ARHGAP32: variants seen among roughly 807,000 people sequenced by gnomAD.
The protein encoded by ARHGAP32 is rho GTPase-activating protein 32.
ARHGAP32 carries 51 observed loss-of-function variants against 186.5 expected under a neutral mutation model. The observed-to-expected ratio is 0.27, with a 90% CI of 0.22 to 0.35. The LOEUF (loss-of-function observed/expected upper bound fraction) is 0.35. Among genes scored for constraint, ARHGAP32 ranks in the 10% least tolerant of loss-of-function variants. The pLI is 1.00. For synonymous variants in ARHGAP32, 950 were observed against 964.3 expected (o/e 0.99, Z 0.27); for missense variants, 2,186 against 2,623.5 (o/e 0.83, Z 3.64).
chr11:129,097,888 T>C (rs972221888), intron 5 of ARHGAP32, among the ~76,000 whole-genome samples: 2 of 152,008 alleles, frequency 1.3e-5, no homozygotes, highest in Non-Finnish European at 2.9e-5. Context: ...ATGTTCAAAA[T>C]ACAAAGACAA....
chr11:129,062,144 C>G (rs1392996072), intron 10 of ARHGAP32, 136 bp downstream of exon 10: 1 of 683,994 alleles, frequency 1.5e-6, no homozygotes, highest in Non-Finnish European at 2.6e-6. Flanking sequence ...ATTATCATTA[C>G]TATCTGCATT....
At position 128,970,489 on chromosome 11, in the gene ARHGAP32, AAAG is replaced by A. The variant is rs1363477113; in HGVS notation, c.4721_4723del (p.Ser1574del). 3.1e-6 allele frequency: 5 copies of A among 1,614,174 alleles called. No individual in the cohort carries two copies. In the Admixed American group the frequency reaches 8.3e-5, roughly 27 times the overall value. On this transcript the variant is annotated inframe_deletion, in exon 23 of 23. Transcript: ENST00000682385. The surrounding 1 kb of genome is among the most constrained non-coding windows in gnomAD (Gnocchi z 5.8). ...ACAGGTATTCCTGACAGAGGAGCTC[AAAG>A]AAGACACATACTCGACCCGGCTGCA... is the stretch of plus-strand genomic sequence containing the variant.
chr11:129,232,866 G>A (rs140632684), intron 1 of ARHGAP32, among the ~76,000 whole-genome samples: 32 of 152,116 alleles, frequency 2.1e-4, no homozygotes, highest in East Asian at 9.6e-4. Context: ...TTCTCTTTCC[G>A]CTACCAGCCT....
intron 10 of ARHGAP32, among the ~76,000 whole-genome samples, chr11:129,046,722 G>A (rs1472907367): frequency 6.6e-6 from 1 of 152,162 alleles, no homozygotes; most frequent in East Asian, 1.9e-4. Flanking sequence ...TTTGGAAACA[G>A]TAGAGTTAAC....
Position 128,978,832 on chromosome 11 carries a change from G to T in ARHGAP32, c.2060C>A (p.Ser687Tyr). 5.0e-6 allele frequency: 8 copies of T among 1,612,930 alleles called. No homozygotes were observed. In the African/African-American group the frequency reaches 8.0e-5, roughly 16 times the overall value. Residue 687 changes from serine to tyrosine, a missense_variant, in exon 19 of 23, where the codon TCT becomes TAT. By Grantham distance (144) the Ser-to-Tyr change is moderately radical (BLOSUM62 -2). This residue lies in a region of ARHGAP32 where 263 missense variants were observed against 323.5 expected (regional missense o/e 0.81). Transcript: ENST00000682385. ...CTCATTCCGCTGCAGCTTTCGTTTAGAAACAGATGATGATTTCCCCAAGTT... is the reference window on the plus strand; with the variant it reads ...CTCATTCCGCTGCAGCTTTCGTTTATAAACAGATGATGATTTCCCCAAGTT... ...FFNLGKSSSV[S>Y]KRKLQRNESE...
At chr11:129,182,955 AT>A (rs1475719848) in intron 1 of ARHGAP32, among the ~76,000 whole-genome samples, 1 of 152,016 alleles carries the variant, frequency 6.6e-6, no homozygotes, top group African/African-American at 2.4e-5. Flanking sequence ...GCCTTAAAAA[AT>A]TTTTTATGTT....
At chr11:129,106,910 T>A (rs1279324099) in intron 5 of ARHGAP32, among the ~76,000 whole-genome samples, 3 of 152,096 alleles carry the variant, frequency 2.0e-5, no homozygotes, top group Non-Finnish European at 2.9e-5. Context: ...ATGGGGCAAA[T>A]ATTATTTTTT....
At chr11:129,049,994 T>C (rs1939974450) in intron 10 of ARHGAP32, among the ~76,000 whole-genome samples, 1 of 152,230 alleles carries the variant, frequency 6.6e-6, no homozygotes, top group Non-Finnish European at 1.5e-5. Flanking sequence ...TTCTTATTTA[T>C]ATCAACTAGC....
At chr11:129,198,862 G>A (rs1196940497) in intron 1 of ARHGAP32, among the ~76,000 whole-genome samples, 1 of 152,192 alleles carries the variant, frequency 6.6e-6, no homozygotes, top group Non-Finnish European at 1.5e-5. Context: ...AAAAATGTGG[G>A]AAAGTTTGGA....
rs542169831 is a variant in ARHGAP32, at chr11:129,258,648, C to A, written c.-5+20498G>T. 2.0e-5 allele frequency among the ~76,000 whole-genome samples: 3 copies of A among 152,206 alleles called. No individual in the cohort carries two copies. In the East Asian group the frequency reaches 5.8e-4, roughly 29 times the overall value. On this transcript the variant is annotated intron_variant, in intron 1 of 6. Coordinates refer to the ARHGAP32 transcript ENST00000525234. The stretch of plus-strand genomic sequence containing the variant: ...GTCTTAGGCATTTAAGACAGATGCA[C>A]AAAAAGAGCTTAAAGAACTTCTGCC...
intron 1 of ARHGAP32, among the ~76,000 whole-genome samples, chr11:129,214,738 C>T (rs527997514): frequency 1.3e-4 from 20 of 152,200 alleles, no homozygotes; most frequent in Non-Finnish European, 2.6e-4. Flanking sequence ...CATTTGCTTA[C>T]GCGTGACTTC....
intron 1 of ARHGAP32, among the ~76,000 whole-genome samples, chr11:129,173,298 T>A (rs1943812813): frequency 2.0e-5 from 3 of 148,902 alleles, no homozygotes; most frequent in Non-Finnish European, 4.4e-5. Flanking sequence ...TAACAAGTTC[T>A]GAAATTGAGG....
intron 1 of ARHGAP32, among the ~76,000 whole-genome samples, chr11:129,200,555 C>T (rs192496168): frequency 3.5e-4 from 53 of 152,250 alleles, no homozygotes; most frequent in African/African-American, 1.2e-3. Context: ...GATTGTGAGG[C>T]CTCCCGAGCC....
intron 12 of ARHGAP32, among the ~76,000 whole-genome samples, chr11:128,989,516 TCACACACACACA>T (rs56090706): frequency 6.8e-4 from 95 of 139,034 alleles, no homozygotes; most frequent in East Asian, 1.3e-3. Context: ...GTTTTTTATT[TCACACACACACA>T]CACACACACA....
chr11:129,226,391 G>C (rs1425499046), intron 1 of ARHGAP32, among the ~76,000 whole-genome samples: 5 of 152,030 alleles, frequency 3.3e-5, no homozygotes, highest in Non-Finnish European at 7.4e-5. Flanking sequence ...CACATACAAG[G>C]GATCCTCCAT....
chr11:128,991,869 AT>A (rs201705654), intron 12 of ARHGAP32, among the ~76,000 whole-genome samples: 1 of 151,498 alleles, frequency 6.6e-6, no homozygotes. Context: ...TTGATCTTTG[AT>A]TTTTTTTTCT....
Position 128,980,663 on chromosome 11 carries a change from T to C in ARHGAP32, c.1866A>G (p.Gln622=), listed in dbSNP as rs758495188. The change falls in exon 18 of 23, where the codon CAA becomes CAG. Residue 622 remains glutamine (Q), a synonymous_variant. Coordinates refer to ENST00000682385, the MANE Select transcript of ARHGAP32 (RefSeq NM_001378024.1). ...LTLEEAQART[Q]AQVNSPIVTE... ...TCACAATTGGAGAATTGACCTGAGC[T>C]TGTGTTCGTGCCTGGGCCTCTTCCA... is the stretch of plus-strand genomic sequence containing the variant. The C allele has an allele frequency of 6.2e-7, 1 of 1,614,042 alleles. No individual in the cohort carries two copies. The highest frequency in any genetic ancestry group is 8.5e-7 in the Non-Finnish European group (1 of 1,179,928).
intron 1 of ARHGAP32, among the ~76,000 whole-genome samples, chr11:129,218,059 A>T (rs1389969719): frequency 6.6e-6 from 1 of 152,208 alleles, no homozygotes; most frequent in Admixed American, 6.5e-5. Flanking sequence ...CACTGTGCAG[A>T]CTCAGGTAAA....
intron 1 of ARHGAP32, among the ~76,000 whole-genome samples, chr11:129,211,842 A>G (rs2135593193): frequency 6.6e-6 from 1 of 152,342 alleles, no homozygotes; most frequent in African/African-American, 2.4e-5. Context: ...AGTGAAAGAA[A>G]TATCATTCCT....
Sources: gnomAD v4.1 joint callset for allele counts (sites outside exome capture counted in the v4.1 genomes callset) on GRCh38, gnomAD v4.1.1 for gene constraint, gnomAD v4.1.1 regional missense constraint, Gnocchi (gnomAD v3.1) non-coding constraint, MANE v1.5 for transcripts, NCBI Gene and HGNC (gene_info 2026-07-23, HGNC 2026-07-21) for gene names.